Variants in SPAG16 observed in about 807,000 individuals in gnomAD.
SPAG16 encodes the protein sperm associated antigen 16.
Under a neutral mutation model 80.4 loss-of-function variants are expected in SPAG16, and 86 were observed. The observed-to-expected ratio is 1.07, with a 90% CI of 0.90 to 1.28. The LOEUF is 1.28. SPAG16 is among the 50% of genes most tolerant of loss of function. The probability of loss-of-function intolerance (pLI) is 0.00; values close to 1 mark genes in which losing one functional copy is unlikely to be tolerated. For missense variants in SPAG16, 870 were observed against 765.3 expected (o/e 1.14, Z -1.61); for synonymous variants, 294 against 265.9 (o/e 1.11, Z -1.03).
intron 12 of SPAG16, among the ~76,000 whole-genome samples, chr2:213,982,395 C>A (rs897252993): frequency 6.6e-6 from 1 of 151,694 alleles, no homozygotes; most frequent in Non-Finnish European, 1.5e-5. Flanking sequence ...TCAATTTTAC[C>A]GTTCTTACTA....
chr2:213,608,831 C>T (rs1044733708), intron 10 of SPAG16, among the ~76,000 whole-genome samples: 1 of 152,150 alleles, frequency 6.6e-6, no homozygotes, highest in Admixed American at 6.5e-5. Context: ...GGACTACAGG[C>T]TCCCACCACA....
At chr2:213,723,382 T>C (rs1321275921) in intron 10 of SPAG16, among the ~76,000 whole-genome samples, 3 of 152,232 alleles carry the variant, frequency 2.0e-5, no homozygotes, top group Non-Finnish European at 2.9e-5. Context: ...TGTTTGCATA[T>C]GAAAGCCAGG....
intron 11 of SPAG16, among the ~76,000 whole-genome samples, chr2:213,874,529 A>G (rs575441618): frequency 1.6e-4 from 24 of 152,106 alleles, no homozygotes; most frequent in Non-Finnish European, 2.6e-4. Context: ...GAAGTTCTTC[A>G]GGGGCATAAT....
At chr2:213,618,788 G>T (rs2061680267) in intron 10 of SPAG16, among the ~76,000 whole-genome samples, 2 of 151,330 alleles carry the variant, frequency 1.3e-5, no homozygotes, top group Admixed American at 6.6e-5. Context: ...TAGGTTGCTA[G>T]ACCTTAAAAC....
chr2:214,343,518 A>G (rs1170344900), intron 15 of SPAG16, among the ~76,000 whole-genome samples: 1 of 152,188 alleles, frequency 6.6e-6, no homozygotes, highest in Non-Finnish European at 1.5e-5. Context: ...AACACTTCAA[A>G]TCCTGAAATG....
chr2:213,392,480 A>G (rs2067804866), intron 9 of SPAG16, among the ~76,000 whole-genome samples: 1 of 152,146 alleles, frequency 6.6e-6, no homozygotes, highest in Non-Finnish European at 1.5e-5. Flanking sequence ...ACATTTTTTC[A>G]GTTTGAAAAT....
At chr2:213,584,687 G>C (rs1407630852) in intron 10 of SPAG16, among the ~76,000 whole-genome samples, 4 of 152,096 alleles carry the variant, frequency 2.6e-5, no homozygotes, top group African/African-American at 9.7e-5. Context: ...AGGGAAACTA[G>C]ACAGAGTTAT....
At chr2:213,547,138 A>G (rs922431443) in intron 10 of SPAG16, among the ~76,000 whole-genome samples, 6 of 152,110 alleles carry the variant, frequency 3.9e-5, no homozygotes, top group Non-Finnish European at 7.4e-5. Flanking sequence ...GGGCTCTTTA[A>G]AAAATCATTA....
chr2:213,622,793 T>A (rs1399001522), intron 10 of SPAG16, among the ~76,000 whole-genome samples: 1 of 152,056 alleles, frequency 6.6e-6, no homozygotes, highest in Non-Finnish European at 1.5e-5. Flanking sequence ...GTAGAAAAAA[T>A]TAGGAGTGCC....
At chr2:213,946,135 G>A (rs1260235701) in intron 12 of SPAG16, among the ~76,000 whole-genome samples, 1 of 152,006 alleles carries the variant, frequency 6.6e-6, no homozygotes, top group Non-Finnish European at 1.5e-5. Flanking sequence ...TTTTGTGTGT[G>A]ATGGAGTCTT....
At chr2:213,893,925 A>G (rs2076890024) in intron 11 of SPAG16, among the ~76,000 whole-genome samples, 1 of 152,200 alleles carries the variant, frequency 6.6e-6, no homozygotes, top group South Asian at 2.1e-4. Flanking sequence ...AATGTAAATG[A>G]ACTTAATTAT....
intron 11 of SPAG16, among the ~76,000 whole-genome samples, chr2:213,914,885 G>T (rs1014438086): frequency 1.3e-5 from 2 of 151,410 alleles, no homozygotes; most frequent in African/African-American, 4.9e-5. Context: ...CTGGATATTA[G>T]AACTTTGTCA....
chr2:213,928,904 TACACACACAC>T (rs71063798), intron 11 of SPAG16, among the ~76,000 whole-genome samples: 33,529 of 142,874 alleles, frequency 0.23, 4,605 homozygotes, highest in South Asian at 0.36. Context: ...CAGCTGATGT[TACACACACAC>T]ACACACACAC....
chr2:214,059,204 A>G (rs866009334), intron 13 of SPAG16, among the ~76,000 whole-genome samples: 46 of 85,518 alleles, frequency 5.4e-4, no homozygotes, highest in African/African-American at 1.9e-3. Flanking sequence ...ATATATATAT[A>G]TATATATATA....
intron 13 of SPAG16, among the ~76,000 whole-genome samples, chr2:214,027,712 T>C (rs1318688535): frequency 2.0e-5 from 3 of 151,880 alleles, no homozygotes; most frequent in Admixed American, 2.0e-4. Flanking sequence ...TTTAGGACAG[T>C]TAAAATGTTT....
chr2:213,727,360 G>A (rs761177203), intron 10 of SPAG16, among the ~76,000 whole-genome samples: 4 of 152,140 alleles, frequency 2.6e-5, no homozygotes, highest in Non-Finnish European at 5.9e-5. Flanking sequence ...ATGGTGATAT[G>A]TGCTGTGGAG....
At chr2:213,880,729 G>C (rs2076310108) in intron 11 of SPAG16, among the ~76,000 whole-genome samples, 2 of 152,158 alleles carry the variant, frequency 1.3e-5, no homozygotes, top group African/African-American at 4.8e-5. Flanking sequence ...TTATTACATA[G>C]AGAGTCCTTT....
At chr2:213,963,057 T>C (rs1018718179) in intron 12 of SPAG16, among the ~76,000 whole-genome samples, 3 of 150,580 alleles carry the variant, frequency 2.0e-5, no homozygotes, top group Middle Eastern at 3.4e-3. Flanking sequence ...TGTTATTTTG[T>C]TTCCTTTCTT....
intron 15 of SPAG16, among the ~76,000 whole-genome samples, chr2:214,248,287 ATATTATTATTATTATTATTATTAT>A (rs71975870): frequency 6.5e-5 from 9 of 138,548 alleles, no homozygotes; most frequent in South Asian, 4.8e-4. Context: ...TACTATTCTT[ATATTATTATTATTATTATTATTAT>A]TATTATTATT....
Sources: gnomAD v4.1 joint callset for allele counts (sites outside exome capture counted in the v4.1 genomes callset) on GRCh38, gnomAD v4.1.1 for gene constraint, MANE v1.5 for transcripts, NCBI Gene and HGNC (gene_info 2026-07-23, HGNC 2026-07-21) for gene names.